CSMD2: variants seen among roughly 807,000 people sequenced by gnomAD.
CSMD2 encodes CUB and Sushi multiple domains 2.
CSMD2 carries 130 observed loss-of-function variants against 398.5 expected under a neutral mutation model. The ratio of observed to expected loss-of-function variants is 0.33; its 90% CI spans 0.28 to 0.38. The LOEUF is 0.38. Ranked by LOEUF, CSMD2 falls within the 10% of genes least tolerant of loss-of-function variation. The pLI, the probability that CSMD2 is intolerant of heterozygous loss-of-function variation, is 1.00. For synonymous variants in CSMD2, 1,828 were observed against 1,908.5 expected (o/e 0.96, Z 1.10); for missense variants, 3,829 against 4,764.9 (o/e 0.80, Z 5.78).
At chr1:33,970,360 G>C (rs1171762239) in intron 3 of CSMD2, among the ~76,000 whole-genome samples, 1 of 152,004 alleles carries the variant, frequency 6.6e-6, no homozygotes, top group Non-Finnish European at 1.5e-5. Context: ...CCTCCCTCAG[G>C]AATCCCTGTG....
At chr1:33,924,284 T>G (rs1356834418) in intron 4 of CSMD2, among the ~76,000 whole-genome samples, 2 of 152,162 alleles carry the variant, frequency 1.3e-5, no homozygotes, top group East Asian at 3.9e-4. Flanking sequence ...AAGAGATCCC[T>G]TGCCTCAGCC....
At chr1:33,789,628 C>T (rs893290277) in intron 11 of CSMD2, among the ~76,000 whole-genome samples, 1 of 152,210 alleles carries the variant, frequency 6.6e-6, no homozygotes, top group Non-Finnish European at 1.5e-5. Context: ...CTAATGAGTC[C>T]TAATCTCTGC....
At chr1:33,692,048 A>G (rs1458916351) in intron 25 of CSMD2, among the ~76,000 whole-genome samples, 1 of 152,206 alleles carries the variant, frequency 6.6e-6, no homozygotes, top group Non-Finnish European at 1.5e-5. Context: ...GCAAACTTAG[A>G]AATGCTATGC....
intron 5 of CSMD2, among the ~76,000 whole-genome samples, chr1:33,898,277 G>C (rs1236317272): frequency 6.6e-6 from 1 of 152,186 alleles, no homozygotes; most frequent in Admixed American, 6.5e-5. Context: ...ACTCCGAAGA[G>C]ATAAAGCACT....
At chr1:33,710,893 T>C (rs899234231) in intron 21 of CSMD2, among the ~76,000 whole-genome samples, 3 of 152,224 alleles carry the variant, frequency 2.0e-5, no homozygotes, top group Admixed American at 2.0e-4. Flanking sequence ...CTTTTCTGAA[T>C]GGACCCTCCT....
At chr1:33,538,859 AAATTGG>A (rs1423833993) in intron 60 of CSMD2, among the ~76,000 whole-genome samples, 8 of 152,224 alleles carry the variant, frequency 5.3e-5, no homozygotes, top group Non-Finnish European at 1.0e-4. Context: ...TGGGGAATGT[AAATTGG>A]GACAGTTTCT....
chr1:34,064,171 T>A (rs541446611), intron 2 of CSMD2, among the ~76,000 whole-genome samples: 1 of 152,360 alleles, frequency 6.6e-6, no homozygotes, highest in African/African-American at 2.4e-5. Flanking sequence ...AGAGACATTT[T>A]TCCATTGTCT....
intron 3 of CSMD2, among the ~76,000 whole-genome samples, chr1:33,981,199 C>A (rs749355444): frequency 6.6e-6 from 1 of 152,182 alleles, no homozygotes; most frequent in South Asian, 2.1e-4. Context: ...GCAGTCCTTA[C>A]TCCCGGTTGT....
At chr1:33,637,243 C>T (rs955139676) in intron 29 of CSMD2, among the ~76,000 whole-genome samples, 2 of 152,132 alleles carry the variant, frequency 1.3e-5, no homozygotes, top group African/African-American at 2.4e-5. Flanking sequence ...TTGGGTTACC[C>T]GACCGGTGGG....
At chr1:33,680,964 A>T (rs999184172) in intron 25 of CSMD2, among the ~76,000 whole-genome samples, 12 of 107,362 alleles carry the variant, frequency 1.1e-4, no homozygotes, top group Non-Finnish European at 1.9e-4. Context: ...TCACTCTGGC[A>T]CCCAGGCTGG....
chr1:34,090,797 C>A (rs1658475081), intron 1 of CSMD2, among the ~76,000 whole-genome samples: 1 of 152,216 alleles, frequency 6.6e-6, no homozygotes, highest in African/African-American at 2.4e-5. Flanking sequence ...TGCCAACCTC[C>A]CAAATGCCCC....
chr1:33,647,585 T>C (rs754866102), intron 28 of CSMD2, among the ~76,000 whole-genome samples: 6 of 152,336 alleles, frequency 3.9e-5, no homozygotes, highest in Non-Finnish European at 7.3e-5. Flanking sequence ...CACTAACTTG[T>C]TATAACATGT....
At chr1:33,800,163 T>C (rs2124917199) in intron 10 of CSMD2, among the ~76,000 whole-genome samples, 1 of 152,372 alleles carries the variant, frequency 6.6e-6, no homozygotes, top group Non-Finnish European at 1.5e-5. Context: ...TTTACAATGT[T>C]GCTGCCAGTG....
chr1:33,673,314 G>A (rs1421019896), intron 25 of CSMD2, among the ~76,000 whole-genome samples: 3 of 152,240 alleles, frequency 2.0e-5, no homozygotes, highest in East Asian at 1.9e-4. Flanking sequence ...CGTGACGAAT[G>A]CACAAGCCTC....
chr1:33,645,902 A>G (rs1424237458), intron 29 of CSMD2, among the ~76,000 whole-genome samples: 2 of 152,190 alleles, frequency 1.3e-5, no homozygotes, highest in African/African-American at 4.8e-5. Context: ...CTGTTTTTGT[A>G]AGTGAATTTT....
At chr1:34,010,658 A>G (rs1016326285) in intron 3 of CSMD2, among the ~76,000 whole-genome samples, 4 of 151,576 alleles carry the variant, frequency 2.6e-5, no homozygotes, top group Admixed American at 1.3e-4. Flanking sequence ...TCGCTCTGTA[A>G]CCCAGGTTGG....
Position 34,032,581 on chromosome 1 carries a change from G to A in CSMD2, c.517+13C>T. On this transcript the variant is annotated intron_variant, in intron 3 of 70. Coordinates refer to ENST00000373381, the MANE Select transcript of CSMD2 (RefSeq NM_001281956.2). Reference sequence around the variant, plus strand: ...CATCTCCGGCTCCTGTGGCCGATGAGGGAGGCACTTACCTTCATAGGTGGC... The same window carrying A: ...CATCTCCGGCTCCTGTGGCCGATGAAGGAGGCACTTACCTTCATAGGTGGC... 6.5e-7 allele frequency: 1 copy of A among 1,537,152 alleles called. No individual in the cohort carries two copies. The highest frequency in any genetic ancestry group is 8.8e-7 in the Non-Finnish European group (1 of 1,131,808).
intron 1 of CSMD2, among the ~76,000 whole-genome samples, chr1:34,090,330 C>A (rs74068043): frequency 6.6e-6 from 1 of 152,150 alleles, no homozygotes; most frequent in Non-Finnish European, 1.5e-5. Flanking sequence ...TCCCACAATA[C>A]CATACTCCTT....
chr1:33,568,406 C>T (rs906605074), intron 52 of CSMD2, among the ~76,000 whole-genome samples: 7 of 152,058 alleles, frequency 4.6e-5, no homozygotes, highest in Admixed American at 1.3e-4. Flanking sequence ...AGGCTGGTCT[C>T]GAACTCCTGG....
Sources: allele counts gnomAD v4.1 joint callset (sites outside exome capture counted in the v4.1 genomes callset), GRCh38; gene constraint gnomAD v4.1.1; transcripts MANE v1.5; gene names NCBI Gene and HGNC (gene_info 2026-07-23, HGNC 2026-07-21).